FBXO4: variants seen among roughly 807,000 people sequenced by gnomAD.
FBXO4 encodes the protein F-box protein 4.
Under a neutral mutation model 43.7 loss-of-function variants are expected in FBXO4, and 36 were observed. The ratio of observed to expected loss-of-function variants is 0.82; its 90% CI spans 0.63 to 1.09. The LOEUF is 1.09. FBXO4 is among the 50% of genes least tolerant of loss of function. The pLI, the probability that FBXO4 is intolerant of heterozygous loss-of-function variation, is 0.00. For synonymous variants in FBXO4, 180 were observed against 165.6 expected (o/e 1.09, Z -0.67); for missense variants, 435 against 474.1 (o/e 0.92, Z 0.77).
chr5:41,972,711 T>C, the FBXO4 span, among the ~76,000 whole-genome samples: 3 of 152,140 alleles, frequency 2.0e-5, no homozygotes, highest in Non-Finnish European at 4.4e-5. Flanking sequence ...AGTATGGTAC[T>C]GGTAAGAAAA....
At chr5:42,034,280 T>C in the FBXO4 span, among the ~76,000 whole-genome samples, 1 of 152,148 alleles carries the variant, frequency 6.6e-6, no homozygotes, top group African/African-American at 2.4e-5. Context: ...GTCAGGTGAG[T>C]GGATTGCAAA....
the FBXO4 span, among the ~76,000 whole-genome samples, chr5:42,035,866 T>C: frequency 6.6e-6 from 1 of 152,120 alleles, no homozygotes; most frequent in South Asian, 2.1e-4. Flanking sequence ...TAATATTTTT[T>C]ATTGGCTCAT....
At chr5:41,991,136 C>CTA in the FBXO4 span, among the ~76,000 whole-genome samples, 1 of 152,218 alleles carries the variant, frequency 6.6e-6, no homozygotes, top group East Asian at 1.9e-4. Context: ...CCAGCCTCTA[C>CTA]TAACCTGCTG....
chr5:41,955,278 C>A, the FBXO4 span, among the ~76,000 whole-genome samples: 1 of 151,964 alleles, frequency 6.6e-6, no homozygotes, highest in Non-Finnish European at 1.5e-5. Flanking sequence ...TAAAGGGAAA[C>A]ATCAGGATTT....
the FBXO4 span, among the ~76,000 whole-genome samples, chr5:42,005,619 T>C: frequency 2.6e-5 from 4 of 152,162 alleles, no homozygotes; most frequent in African/African-American, 9.6e-5. Context: ...ACTGTTGGGA[T>C]TATTTTGCTT....
chr5:42,023,569 C>A, the FBXO4 span, among the ~76,000 whole-genome samples: 1 of 151,910 alleles, frequency 6.6e-6, no homozygotes, highest in Non-Finnish European at 1.5e-5. Context: ...TTTTTCCCAT[C>A]CAGTTTCTAA....
chr5:41,988,121 G>T, the FBXO4 span, among the ~76,000 whole-genome samples: 5 of 152,250 alleles, frequency 3.3e-5, no homozygotes, highest in Middle Eastern at 3.4e-3. Context: ...TAACATGTGG[G>T]GGGGAGAGAA....
the FBXO4 span, among the ~76,000 whole-genome samples, chr5:41,951,129 T>C: frequency 6.6e-6 from 1 of 152,110 alleles, no homozygotes; most frequent in African/African-American, 2.4e-5. Flanking sequence ...GGTTGACGGG[T>C]GCAGCAAACC....
intron 5 of FBXO4, among the ~76,000 whole-genome samples, chr5:41,937,778 G>A (rs1751886842): frequency 6.6e-6 from 1 of 152,224 alleles, no homozygotes; most frequent in Non-Finnish European, 1.5e-5. Flanking sequence ...GGCAGAAAGG[G>A]AAGCGGGAGA....
the FBXO4 span, among the ~76,000 whole-genome samples, chr5:42,010,248 C>T: frequency 6.6e-6 from 1 of 151,874 alleles, no homozygotes; most frequent in Non-Finnish European, 1.5e-5. Flanking sequence ...GCCTGTAATC[C>T]CAGCACTTTG....
At chr5:41,943,267 C>T (rs150139731), downstream of FBXO4, among the ~76,000 whole-genome samples, 783 of 152,188 alleles carry the variant, frequency 5.1e-3, 8 homozygotes, top group African/African-American at 0.018. Flanking sequence ...ACTAAATTCT[C>T]ATCAGTGCTA....
chr5:41,952,474 C>T, the FBXO4 span, among the ~76,000 whole-genome samples: 3 of 151,850 alleles, frequency 2.0e-5, no homozygotes, highest in African/African-American at 7.3e-5. Context: ...ATAGTATAAC[C>T]CAGTGATTAA....
the FBXO4 span, among the ~76,000 whole-genome samples, chr5:42,037,993 G>A: frequency 2.0e-5 from 3 of 152,140 alleles, no homozygotes; most frequent in African/African-American, 7.2e-5. Flanking sequence ...AAACAAAGCA[G>A]TTGGTCCTAT....
chr5:41,945,972 G>T (rs1314865779), downstream of FBXO4, among the ~76,000 whole-genome samples: 1 of 152,140 alleles, frequency 6.6e-6, no homozygotes, highest in Non-Finnish European at 1.5e-5. Context: ...TCTTATCCCT[G>T]TATACTGTAC....
At chr5:42,031,201 A>T in the FBXO4 span, among the ~76,000 whole-genome samples, 3 of 152,208 alleles carry the variant, frequency 2.0e-5, no homozygotes, top group Non-Finnish European at 1.5e-5. Context: ...AAGACTTGGA[A>T]CCAACCTAAA....
At chr5:41,938,056 A>G (rs1443800731) in intron 5 of FBXO4, among the ~76,000 whole-genome samples, 1 of 152,210 alleles carries the variant, frequency 6.6e-6, no homozygotes, top group African/African-American at 2.4e-5. Context: ...GCAGAAGACT[A>G]TGATAACAGA....
At chr5:41,978,766 T>C in the FBXO4 span, among the ~76,000 whole-genome samples, 6 of 152,180 alleles carry the variant, frequency 3.9e-5, no homozygotes, top group African/African-American at 1.4e-4. Context: ...TAAGCTCAAG[T>C]CTTTTACATT....
the FBXO4 span, among the ~76,000 whole-genome samples, chr5:42,038,885 T>C: frequency 3.3e-5 from 5 of 152,236 alleles, no homozygotes; most frequent in South Asian, 4.1e-4. Context: ...TGTACCTGGA[T>C]TATTTCACTT....
At chr5:41,951,883 G>T in the FBXO4 span, 1 of 247,724 alleles carries the variant, frequency 4.0e-6, no homozygotes, top group South Asian at 5.5e-5. Flanking sequence ...GTTTCCAGGA[G>T]GAAATGATCA....
Sources: allele counts gnomAD v4.1 joint callset (sites outside exome capture counted in the v4.1 genomes callset), GRCh38; gene constraint gnomAD v4.1.1; transcripts MANE v1.5; gene names NCBI Gene and HGNC (gene_info 2026-07-23, HGNC 2026-07-21).